PPP4R3B: variants seen among roughly 807,000 people sequenced by gnomAD.
PPP4R3B encodes the protein protein phosphatase 4 regulatory subunit 3B.
Under a neutral mutation model 95.4 loss-of-function variants are expected in PPP4R3B, and 52 were observed. That is an observed-to-expected ratio of 0.54 (90% CI 0.44 to 0.69). The LOEUF is 0.69. PPP4R3B is among the 30% of genes least tolerant of loss of function. PPP4R3B has a pLI of 0.00. For missense variants in PPP4R3B, 1,003 were observed against 1,005.9 expected (o/e 1.00, Z 0.04); for synonymous variants, 407 against 343.9 (o/e 1.18, Z -2.03).
At position 55,579,733 on chromosome 2, in the gene PPP4R3B, G is replaced by A. The variant is rs1321786988; in HGVS notation, c.1414C>T (p.His472Tyr). The change falls in exon 9 of 17, where the codon CAT (histidine) becomes TAT (tyrosine). Residue 472 changes from histidine to tyrosine, a missense_variant. Physicochemically the swap from His to Tyr is moderately conservative, Grantham distance 83. Around this residue, in one of 3 missense-constraint regions of PPP4R3B, gnomAD observed 695 missense variants for 686.2 expected, o/e 1.01. Transcript: ENST00000616407. ...FLNFFYNHCM[H>Y]VLTAPLLTNT... ...GTCAAAAGTGGTGCTGTGAGAACAT[G>A]CATACAATGGTTGTAGAAAAAATTT... 3 of 1,606,820 alleles carry A rather than the reference G, an allele frequency of 1.9e-6. No homozygotes were observed. Among genetic ancestry groups the A allele is most frequent in the African/African-American group, 1.3e-5 (1 of 74,620 alleles).
At position 55,589,915 on chromosome 2, in the gene PPP4R3B, C is replaced by CA. The variant is rs778982130; in HGVS notation, c.922-960dup. The stretch of plus-strand genomic sequence containing the variant: ...TGGACAAAAGAGCGAGACTCCATCT[C>CA]AAAAAAAAAAAAAATTATATATATA... On this transcript the variant is annotated intron_variant, in intron 4 of 16. Coordinates refer to ENST00000616407, the MANE Select transcript of PPP4R3B (RefSeq NM_001122964.3). 3.8e-3 allele frequency among the ~76,000 whole-genome samples: 313 copies of CA among 81,952 alleles called. 1 individual carries two copies. Among genetic ancestry groups the CA allele is most frequent in the African/African-American group, 0.011 (278 of 25,936 alleles). 53.8% of individuals were successfully genotyped at this position (81,952 alleles called of 152,430 possible). A position where few individuals can be genotyped will look rare whatever the true frequency, so the allele number is the denominator to read the frequency against.
chr2:55,588,793 T>C, intron 5 of PPP4R3B, 86 bp downstream of exon 5: 3 of 737,252 alleles, frequency 4.1e-6, no homozygotes, highest in Non-Finnish European at 4.4e-6. Flanking sequence ...TTACAAAAAA[T>C]TGTCTCAAGT....
At chr2:55,603,512 T>G (rs144933991) in intron 3 of PPP4R3B, among the ~76,000 whole-genome samples, 1 of 152,138 alleles carries the variant, frequency 6.6e-6, no homozygotes, top group East Asian at 1.9e-4. Context: ...TTTAAAAAAA[T>G]TCTAGTTACT....
chr2:55,570,194 G>C (rs1687833632), intron 12 of PPP4R3B, among the ~76,000 whole-genome samples: 1 of 152,198 alleles, frequency 6.6e-6, no homozygotes, highest in Non-Finnish European at 1.5e-5. Flanking sequence ...AGGTTGCAGT[G>C]AGCTGAGATC....
chr2:55,567,447 T>TGCTCTGTCACCCAGGCTGGAATGAA (rs1368388312), intron 13 of PPP4R3B, among the ~76,000 whole-genome samples: 11 of 152,102 alleles, frequency 7.2e-5, no homozygotes, highest in African/African-American at 2.7e-4. Context: ...ACAAGAGTCT[T>TGCTCTGTCACCCAGGCTGGAATGAA]GCTCTGTCAC....
chr2:55,564,495 A>G lies in PPP4R3B; in HGVS notation c.2078T>C (p.Val693Ala). 1 of 1,593,970 alleles carries G rather than the reference A, an allele frequency of 6.3e-7. No homozygotes were observed. Among genetic ancestry groups the G allele is most frequent in the Non-Finnish European group, 8.5e-7 (1 of 1,173,456 alleles). ...TCTGTTACTACGCAATATAGATGGT[A>G]CACTGTAAGAAATATATCACAAATA... Reference protein sequence around the residue: ...KDRQNQKLNSVPSILRSNRFR... With the variant: ...KDRQNQKLNSAPSILRSNRFR... Residue 693 changes from valine (V) to alanine (A), a missense_variant and splice_region_variant, in exon 15 of 17, where the codon GTA becomes GCA. Physicochemically the swap from Val to Ala is moderately conservative, Grantham distance 64. This residue lies in a region of PPP4R3B where 229 missense variants were observed against 194.7 expected (regional missense o/e 1.18). Transcript: ENST00000616407.
chr2:55,612,720 G>A (rs570383435), intron 2 of PPP4R3B, among the ~76,000 whole-genome samples: 6 of 152,150 alleles, frequency 3.9e-5, no homozygotes, highest in South Asian at 4.2e-4. Context: ...CGAGGCGGGC[G>A]GATCACGAGG....
chr2:55,590,001 A>AAT (rs1463860132), intron 4 of PPP4R3B, among the ~76,000 whole-genome samples: 2 of 144,948 alleles, frequency 1.4e-5, no homozygotes, highest in Admixed American at 7.0e-5. Context: ...ATATATATAT[A>AAT]ATATATATAT....
intron 11 of PPP4R3B, 114 bp from the exon 12 acceptor site, chr2:55,573,891 T>C (rs1688315387): frequency 2.8e-6 from 2 of 713,510 alleles, no homozygotes; most frequent in African/African-American, 3.9e-5. Flanking sequence ...TCCTCCTTTT[T>C]TTTTTTTTTT....
intron 12 of PPP4R3B, among the ~76,000 whole-genome samples, chr2:55,569,267 C>T (rs914205759): frequency 3.9e-5 from 6 of 151,978 alleles, no homozygotes; most frequent in Admixed American, 3.9e-4. Context: ...CTAGCGGTAG[C>T]GTTAGTGTCA....
chr2:55,552,119 T>C (rs1319968992), intron 16 of PPP4R3B, among the ~76,000 whole-genome samples: 3 of 152,080 alleles, frequency 2.0e-5, no homozygotes. Flanking sequence ...TTTACTTATA[T>C]TATCTCTGCA....
At chr2:55,559,581 C>T (rs368518808) in intron 15 of PPP4R3B, among the ~76,000 whole-genome samples, 13 of 152,214 alleles carry the variant, frequency 8.5e-5, no homozygotes, top group South Asian at 6.2e-4. Flanking sequence ...TGAGTTCTCA[C>T]GAGATCTGGT....
chr2:55,578,152 T>A, intron 10 of PPP4R3B, 95 bp downstream of exon 10: 1 of 1,190,132 alleles, frequency 8.4e-7, no homozygotes. Context: ...ACATTAAATT[T>A]ATAGCAACTT....
At chr2:55,564,533 T>G in intron 14 of PPP4R3B, 36 bp from the exon 15 acceptor site, 1 of 1,529,952 alleles carries the variant, frequency 6.5e-7, no homozygotes, top group Non-Finnish European at 8.8e-7. Context: ...GAGTAATGAT[T>G]TAAAGTTCAT....
chr2:55,595,039 T>C (rs539102572), intron 4 of PPP4R3B, among the ~76,000 whole-genome samples: 18 of 151,480 alleles, frequency 1.2e-4, no homozygotes, highest in Non-Finnish European at 2.5e-4. Context: ...TTTTTTTTTT[T>C]TTTTTCAGAC....
At chr2:55,577,235 C>G in intron 11 of PPP4R3B, 80 bp downstream of exon 11, 1 of 1,452,804 alleles carries the variant, frequency 6.9e-7, no homozygotes, top group South Asian at 1.5e-5. Context: ...CTTTTCTTAG[C>G]CTTATATAAG....
chr2:55,554,200 G>C (rs907102259), intron 16 of PPP4R3B, among the ~76,000 whole-genome samples: 1 of 152,194 alleles, frequency 6.6e-6, no homozygotes, highest in African/African-American at 2.4e-5. Flanking sequence ...GAATAGCTGG[G>C]ACCACAGGCA....
chr2:55,563,798 T>C (rs914399640), intron 15 of PPP4R3B, among the ~76,000 whole-genome samples: 1 of 152,246 alleles, frequency 6.6e-6, no homozygotes, highest in Non-Finnish European at 1.5e-5. Context: ...TAGCAAGATC[T>C]TCATTTTATA....
intron 2 of PPP4R3B, among the ~76,000 whole-genome samples, chr2:55,608,382 C>G (rs965079700): frequency 1.3e-5 from 2 of 152,156 alleles, no homozygotes; most frequent in African/African-American, 4.8e-5. Flanking sequence ...ATTTAGAGTT[C>G]TTTTCCAATG....
Sources: gnomAD v4.1 joint callset for allele counts (sites outside exome capture counted in the v4.1 genomes callset) on GRCh38, gnomAD v4.1.1 for gene constraint, gnomAD v4.1.1 regional missense constraint, MANE v1.5 for transcripts, NCBI Gene and HGNC (gene_info 2026-07-23, HGNC 2026-07-21) for gene names.